Variants in ACAP2 observed in about 807,000 individuals in gnomAD.
ACAP2 encodes arf-GAP with coiled-coil, ANK repeat and PH domain-containing protein 2.
In ACAP2, 39 loss-of-function variants were observed where a neutral mutation model predicts 115.8. That is an observed-to-expected ratio of 0.34 (90% CI 0.26 to 0.44). The LOEUF is 0.44. Among genes scored for constraint, ACAP2 ranks in the 20% least tolerant of loss-of-function variants. The pLI, the probability that ACAP2 is intolerant of heterozygous loss-of-function variation, is 1.00. For synonymous variants in ACAP2, 289 were observed against 315.8 expected, an observed-to-expected ratio of 0.92 and a Z score of 0.90; for missense variants, 662 against 927.6, an observed-to-expected ratio of 0.71 and a Z score of 3.72.
chr3:195,334,813 G>C (rs188423019), intron 7 of ACAP2, among the ~76,000 whole-genome samples: 1 of 152,174 alleles, frequency 6.6e-6, no homozygotes, highest in African/African-American at 2.4e-5. Context: ...TTAATCCTTT[G>C]ACTATGTAAT....
intron 4 of ACAP2, among the ~76,000 whole-genome samples, chr3:195,351,194 T>C (rs1416846359): frequency 6.8e-6 from 1 of 147,656 alleles, no homozygotes; most frequent in African/African-American, 2.6e-5. Context: ...CTCGGCTCAC[T>C]GCAACCTCCG....
intron 2 of ACAP2, among the ~76,000 whole-genome samples, chr3:195,386,747 T>C (rs774856955): frequency 1.1e-4 from 16 of 151,946 alleles, no homozygotes; most frequent in East Asian, 1.9e-4. Flanking sequence ...CATGTATACC[T>C]GTGTTACAAA....
chr3:195,351,684 T>C (rs1731619461), intron 4 of ACAP2, among the ~76,000 whole-genome samples: 1 of 148,656 alleles, frequency 6.7e-6, no homozygotes. Flanking sequence ...CAGGATGGTC[T>C]GGATCTCCTG....
intron 22 of ACAP2, chr3:195,282,561 T>C (rs1191218952): frequency 6.6e-6 from 1 of 152,254 alleles, no homozygotes; most frequent in East Asian, 1.9e-4. Context: ...GATTTTTTAA[T>C]ATTTAAATAT....
At chr3:195,400,007 T>C (rs113859420) in intron 1 of ACAP2, among the ~76,000 whole-genome samples, 3,340 of 151,766 alleles carry the variant, frequency 0.022, 118 homozygotes, top group East Asian at 0.1. Context: ...GATGAAACCC[T>C]GTCTCTACTA....
chr3:195,348,653 A>T (rs1731339670), intron 4 of ACAP2, among the ~76,000 whole-genome samples: 1 of 152,234 alleles, frequency 6.6e-6, no homozygotes, highest in Non-Finnish European at 1.5e-5. Context: ...ATATTCCAGG[A>T]ATGAAAGATG....
chr3:195,442,516 A>G (rs962717517), intron 1 of ACAP2, among the ~76,000 whole-genome samples: 1 of 152,180 alleles, frequency 6.6e-6, no homozygotes, highest in African/African-American at 2.4e-5. Flanking sequence ...CATTTCCCCC[A>G]GCGGGAGAGG....
At chr3:195,328,266 T>A (rs560871782) in intron 8 of ACAP2, among the ~76,000 whole-genome samples, 2 of 152,304 alleles carry the variant, frequency 1.3e-5, no homozygotes, top group East Asian at 3.9e-4. Context: ...AAGCATTAAA[T>A]GTCTACACAT....
At chr3:195,374,654 T>C (rs1051949721) in intron 4 of ACAP2, among the ~76,000 whole-genome samples, 3 of 152,218 alleles carry the variant, frequency 2.0e-5, no homozygotes, top group African/African-American at 7.2e-5. Flanking sequence ...GAAAGGATCA[T>C]CAATTTTAAA....
intron 1 of ACAP2, among the ~76,000 whole-genome samples, chr3:195,434,807 G>C (rs1314672321): frequency 1.3e-5 from 2 of 152,084 alleles, no homozygotes; most frequent in Admixed American, 6.6e-5. Flanking sequence ...GTTTCTTCTT[G>C]AGTCGGTTTC....
intron 4 of ACAP2, among the ~76,000 whole-genome samples, chr3:195,359,181 C>CA (rs1415087637): frequency 2.6e-5 from 4 of 152,100 alleles, no homozygotes; most frequent in African/African-American, 9.7e-5. Context: ...AGAAATGCTA[C>CA]AGGGAGGTTC....
At position 195,333,131 on chromosome 3, in the gene ACAP2, G is replaced by C. The variant is rs1730284610; in HGVS notation, c.574-8C>G. ...ATACATAAATGACAACATCTAATAG[G>C]GAAAAAAAGATGACCATTTTAAAAT... On this transcript the variant is annotated splice_polypyrimidine_tract_variant and splice_region_variant and intron_variant, in intron 7 of 22. Transcript: ENST00000326793. 1.3e-6 allele frequency: 2 copies of C among 1,507,594 alleles called. No individual in the cohort carries two copies. Among genetic ancestry groups the C allele is most frequent in the Non-Finnish European group, 9.0e-7 (1 of 1,105,098 alleles). 93.4% of individuals were successfully genotyped at this position (1,507,594 alleles called of 1,614,324 possible).
chr3:195,373,442 A>T (rs1473469134), intron 4 of ACAP2, among the ~76,000 whole-genome samples: 5 of 152,198 alleles, frequency 3.3e-5, no homozygotes, highest in African/African-American at 1.2e-4. Context: ...TTTCACACAA[A>T]AGTGCACTGA....
At chr3:195,438,674 C>A (rs1003899768) in intron 1 of ACAP2, among the ~76,000 whole-genome samples, 2 of 152,122 alleles carry the variant, frequency 1.3e-5, no homozygotes, top group African/African-American at 4.8e-5. Context: ...AGTTGGAGAA[C>A]AGCCTGGATA....
intron 6 of ACAP2, among the ~76,000 whole-genome samples, chr3:195,338,820 A>G (rs1236068150): frequency 6.6e-6 from 1 of 152,272 alleles, no homozygotes; most frequent in Non-Finnish European, 1.5e-5. Context: ...AAGATTATAC[A>G]ATATCTTTTT....
intron 22 of ACAP2, among the ~76,000 whole-genome samples, chr3:195,281,116 A>T (rs1358816092): frequency 1.3e-5 from 2 of 152,316 alleles, no homozygotes; most frequent in African/African-American, 4.8e-5. Flanking sequence ...AAAAATGTTA[A>T]TACTTTTGGC....
intron 10 of ACAP2, among the ~76,000 whole-genome samples, chr3:195,316,084 C>T (rs2109014799): frequency 6.6e-6 from 1 of 152,014 alleles, no homozygotes; most frequent in Admixed American, 6.6e-5. Flanking sequence ...CTTTGTTAAA[C>T]TTTAAGTAGG....
intron 8 of ACAP2, among the ~76,000 whole-genome samples, chr3:195,330,045 C>G (rs762831643): frequency 3.3e-5 from 5 of 151,984 alleles, no homozygotes; most frequent in Non-Finnish European, 5.9e-5. Flanking sequence ...ATCTAACTCA[C>G]CCCCCATCAA....
chr3:195,335,135 TATAA>T (rs1730419942), intron 7 of ACAP2, among the ~76,000 whole-genome samples: 1 of 152,216 alleles, frequency 6.6e-6, no homozygotes, highest in South Asian at 2.1e-4. Flanking sequence ...TTTCTGTGTT[TATAA>T]ATAAAGTTTT....
Sources: gnomAD v4.1 joint callset for allele counts (sites outside exome capture counted in the v4.1 genomes callset) on GRCh38, gnomAD v4.1.1 for gene constraint, MANE v1.5 for transcripts, NCBI Gene and HGNC (gene_info 2026-07-23, HGNC 2026-07-21) for gene names.